GRID1: variants seen among roughly 807,000 people sequenced by gnomAD.
The protein encoded by GRID1 is glutamate receptor ionotropic, delta-1.
GRID1 carries 28 observed loss-of-function variants against 98.0 expected under a neutral mutation model. That is an observed-to-expected ratio of 0.29 (90% confidence interval 0.21 to 0.39). GRID1 has a LOEUF of 0.39. Ranked by LOEUF, GRID1 falls within the 10% of genes least tolerant of loss-of-function variation. The probability of loss-of-function intolerance (pLI) is 1.00; values close to 1 mark genes in which losing one functional copy is unlikely to be tolerated. For missense variants in GRID1, 1,111 were observed against 1,340.5 expected (o/e 0.83, Z 2.67); for synonymous variants, 553 against 538.5 (o/e 1.03, Z -0.37).
intron 2 of GRID1, among the ~76,000 whole-genome samples, chr10:86,322,034 G>A (rs1847977600): frequency 6.6e-6 from 1 of 152,016 alleles, no homozygotes; most frequent in South Asian, 2.1e-4. Context: ...ATGACACTTT[G>A]AACGAGAAAA....
chr10:85,948,439 G>A (rs1215173783), intron 4 of GRID1, among the ~76,000 whole-genome samples: 2 of 152,172 alleles, frequency 1.3e-5, no homozygotes, highest in Non-Finnish European at 2.9e-5. Flanking sequence ...CTTAGAAGAT[G>A]TTCTCTTCTC....
At chr10:86,056,297 T>C (rs866702764) in intron 4 of GRID1, among the ~76,000 whole-genome samples, 8 of 152,204 alleles carry the variant, frequency 5.3e-5, no homozygotes, top group Admixed American at 3.9e-4. Flanking sequence ...ATGATTCAAA[T>C]GAATTGGCCA....
At chr10:86,128,461 G>A (rs1173558619) in intron 4 of GRID1, among the ~76,000 whole-genome samples, 1 of 152,036 alleles carries the variant, frequency 6.6e-6, no homozygotes, top group Admixed American at 6.6e-5. Flanking sequence ...TCCATGACTC[G>A]AACTGTGGAC....
At chr10:85,791,858 AGGGAAG>A (rs1193331278) in intron 8 of GRID1, among the ~76,000 whole-genome samples, 2 of 152,178 alleles carry the variant, frequency 1.3e-5, no homozygotes, top group Non-Finnish European at 2.9e-5. Flanking sequence ...AGTTCAGCTT[AGGGAAG>A]AGACAAAGCC....
chr10:85,809,234 G>A (rs920837253), intron 8 of GRID1, among the ~76,000 whole-genome samples: 2 of 151,894 alleles, frequency 1.3e-5, no homozygotes, highest in African/African-American at 4.8e-5. Flanking sequence ...GAGCATAAAA[G>A]ATACAAGTTC....
At chr10:86,143,569 C>T (rs1369697879) in intron 3 of GRID1, among the ~76,000 whole-genome samples, 2 of 152,192 alleles carry the variant, frequency 1.3e-5, no homozygotes, top group South Asian at 2.1e-4. Context: ...CAGCAAGCTC[C>T]CTGTACACAC....
chr10:85,950,790 T>A (rs979795154), intron 4 of GRID1, among the ~76,000 whole-genome samples: 4 of 152,182 alleles, frequency 2.6e-5, no homozygotes, highest in African/African-American at 9.7e-5. Flanking sequence ...GCTACAGTCC[T>A]GGTACAGCTT....
At chr10:86,047,893 C>G (rs935446702) in intron 4 of GRID1, among the ~76,000 whole-genome samples, 3 of 152,204 alleles carry the variant, frequency 2.0e-5, no homozygotes, top group African/African-American at 7.2e-5. Context: ...GTAAACTCTG[C>G]TGATGAAGGC....
chr10:85,840,376 C>G (rs764159299), intron 8 of GRID1, among the ~76,000 whole-genome samples: 1 of 152,062 alleles, frequency 6.6e-6, no homozygotes, highest in Non-Finnish European at 1.5e-5. Context: ...CCACAGCCAT[C>G]ATCATACTGA....
intron 8 of GRID1, among the ~76,000 whole-genome samples, chr10:85,772,889 C>T (rs1050827864): frequency 1.3e-5 from 2 of 152,080 alleles, no homozygotes; most frequent in African/African-American, 4.8e-5. Flanking sequence ...AATTCTACCA[C>T]AGGTACAGGG....
At chr10:85,813,849 T>C (rs913183475) in intron 8 of GRID1, among the ~76,000 whole-genome samples, 5 of 151,970 alleles carry the variant, frequency 3.3e-5, no homozygotes, top group South Asian at 2.1e-4. Context: ...CAAAATAGCA[T>C]AGGGGTAAGG....
chr10:86,228,662 A>C (rs542100319), intron 2 of GRID1, among the ~76,000 whole-genome samples: 1 of 152,096 alleles, frequency 6.6e-6, no homozygotes, highest in South Asian at 2.1e-4. Flanking sequence ...TGGACCCCCC[A>C]GTACCCAATG....
chr10:86,057,890 C>T (rs1446197853), intron 4 of GRID1, among the ~76,000 whole-genome samples: 1 of 152,184 alleles, frequency 6.6e-6, no homozygotes. Flanking sequence ...CTTTGGCTTA[C>T]GCATGCATGT....
chr10:86,044,636 T>C (rs1010753339), intron 4 of GRID1, among the ~76,000 whole-genome samples: 29 of 152,212 alleles, frequency 1.9e-4, no homozygotes, highest in Admixed American at 1.3e-4. Flanking sequence ...AGAGGTGCCG[T>C]TACAGGGTCC....
At chr10:86,108,786 T>A (rs1436046304) in intron 4 of GRID1, among the ~76,000 whole-genome samples, 3 of 152,216 alleles carry the variant, frequency 2.0e-5, no homozygotes, top group African/African-American at 7.2e-5. Flanking sequence ...TTCACCAGCA[T>A]GTTTTGAAAA....
chr10:86,358,629 G>A (rs892273365), intron 2 of GRID1, among the ~76,000 whole-genome samples: 1 of 151,830 alleles, frequency 6.6e-6, no homozygotes, highest in Admixed American at 6.6e-5. Flanking sequence ...ATGGTGGCGG[G>A]CGCCTGTAGT....
intron 8 of GRID1, among the ~76,000 whole-genome samples, chr10:85,785,658 A>G (rs1410813947): frequency 6.6e-6 from 1 of 152,182 alleles, no homozygotes; most frequent in Non-Finnish European, 1.5e-5. Flanking sequence ...CCAGGGACCT[A>G]GTAAATTCAG....
chr10:85,766,966 G>C (rs1842203900), intron 8 of GRID1, among the ~76,000 whole-genome samples: 1 of 152,144 alleles, frequency 6.6e-6, no homozygotes, highest in African/African-American at 2.4e-5. Flanking sequence ...TGTGTAACTA[G>C]AGGGGAAGAG....
chr10:85,602,473 A>C lies in GRID1; in HGVS notation c.2830T>G (p.Ser944Ala). The change falls in exon 16 of 16, where the codon TCA (serine) becomes GCA (alanine). Residue 944 changes from serine to alanine, a missense_variant. Around this residue, in one of 3 missense-constraint regions of GRID1, gnomAD observed 762 missense variants for 869.1 expected, o/e 0.88. Coordinates refer to ENST00000327946, the MANE Select transcript of GRID1 (RefSeq NM_017551.3). The stretch of plus-strand genomic sequence containing the variant: ...GGCAGGTTGCTGCTGGGCCCTGATG[A>C]GAGTGTCCGGCTGGTGCCATGGCTG... ...QSSHGTSRTL[S>A]SGPSSNLPLP... 2 of 1,613,866 alleles carry C rather than the reference A, an allele frequency of 1.2e-6. No homozygotes were observed. Among genetic ancestry groups the C allele is most frequent in the South Asian group, 1.1e-5 (1 of 91,082 alleles).
Sources: gnomAD v4.1 joint callset for allele counts (sites outside exome capture counted in the v4.1 genomes callset) on GRCh38, gnomAD v4.1.1 for gene constraint, gnomAD v4.1.1 regional missense constraint, MANE v1.5 for transcripts, NCBI Gene and HGNC (gene_info 2026-07-23, HGNC 2026-07-21) for gene names.